The following CD300LG variants were observed in gnomAD, a reference collection of about 807,000 sequenced individuals.
CD300LG encodes CMRF35-like molecule 9.
CD300LG carries 29 observed loss-of-function variants against 31.5 expected under a neutral mutation model. That is an observed-to-expected ratio of 0.92 (90% confidence interval 0.68 to 1.25). The LOEUF (loss-of-function observed/expected upper bound fraction) is 1.25, where lower values mean the gene tolerates loss of function less well. Among genes scored for constraint, CD300LG ranks in the 50% most tolerant of loss-of-function variants. The pLI, the probability that CD300LG is intolerant of heterozygous loss-of-function variation, is 0.00. For missense variants in CD300LG, 396 were observed against 417.6 expected (o/e 0.95, Z 0.45); for synonymous variants, 175 against 177.2 (o/e 0.99, Z 0.10).
chr17:43,852,787 C>A (rs375712176), intron 2 of CD300LG, 125 bp from the exon 3 acceptor site: 2 of 656,234 alleles, frequency 3.0e-6, no homozygotes, highest in African/African-American at 1.9e-5. Flanking sequence ...CCTGGTTGGC[C>A]GAGGCGAAAG....
intron 6 of CD300LG, among the ~76,000 whole-genome samples, chr17:43,859,637 T>C (rs2046613138): frequency 6.6e-6 from 1 of 152,202 alleles, no homozygotes; most frequent in Non-Finnish European, 1.5e-5. Context: ...GCTGTAAATA[T>C]GGACTCATGG....
chr17:43,853,776 G>A (rs953353692), intron 3 of CD300LG, 31 bp from the exon 4 acceptor site: 4 of 1,563,478 alleles, frequency 2.6e-6, no homozygotes, highest in Non-Finnish European at 2.6e-6. Flanking sequence ...GGGTCAGGAA[G>A]GATGCTGAGG....
chr17:43,859,417 G>A (rs1040516687), intron 6 of CD300LG, among the ~76,000 whole-genome samples: 1 of 152,174 alleles, frequency 6.6e-6, no homozygotes, highest in African/African-American at 2.4e-5. Context: ...GAACAGGGCC[G>A]ATCGTCCACA....
chr17:43,853,667 A>C, intron 3 of CD300LG, 140 bp from the exon 4 acceptor site: 1 of 664,420 alleles, frequency 1.5e-6, no homozygotes, highest in Non-Finnish European at 2.6e-6. Context: ...CTGTTTGCTT[A>C]CTGGGGTATC....
At chr17:43,847,400 T>TG (rs2046214840) in intron 1 of CD300LG, 141 bp downstream of exon 1, 1 of 325,848 alleles carries the variant, frequency 3.1e-6, no homozygotes, top group Non-Finnish European at 5.7e-6. Flanking sequence ...GGGCTGGGGG[T>TG]GGGGGGAGGT....
At position 43,858,124 on chromosome 17, in the gene CD300LG, C is replaced by G. The variant is rs1597714589; in HGVS notation, c.885+968C>G. On this transcript the variant is annotated intron_variant, in intron 6 of 6. Transcript: ENST00000317310. The stretch of plus-strand genomic sequence containing the variant: ...AGGAAAGCGGAGCTACCATTGCCTT[C>G]TTTCCTGGCGCCAGTGAGGACAAAA... 2.3e-6 allele frequency: 3 copies of G among 1,327,650 alleles called. No homozygotes were observed. The East Asian group carries it at 9.7e-5, about 43-fold the overall frequency. The allele number at this position is 1,327,650 out of a possible 1,614,324, so 82.2% of individuals were successfully genotyped here.
chr17:43,850,133 A>ATGT (rs1376791183), intron 2 of CD300LG, among the ~76,000 whole-genome samples: 1 of 152,152 alleles, frequency 6.6e-6, no homozygotes, highest in Non-Finnish European at 1.5e-5. Flanking sequence ...GGCAGTTGGG[A>ATGT]TGTTGAAAAT....
intron 4 of CD300LG, 150 bp downstream of exon 4, chr17:43,854,194 G>T (rs941782346): frequency 3.1e-6 from 2 of 652,518 alleles, no homozygotes; most frequent in East Asian, 2.7e-5. Context: ...CCTCACAGGG[G>T]CCCTTGAGCA....
chr17:43,858,364 G>A (rs1257593009), intron 6 of CD300LG: 1 of 994,046 alleles, frequency 1.0e-6, no homozygotes, highest in Non-Finnish European at 1.2e-6. Context: ...GCTAGGGCCT[G>A]GGTCTCACCC....
At chr17:43,847,426 G>A (rs772509607) in intron 1 of CD300LG, among the ~76,000 whole-genome samples, 167 bp downstream of exon 1, 1 of 152,196 alleles carries the variant, frequency 6.6e-6, no homozygotes, top group East Asian at 1.9e-4. Flanking sequence ...TGGCGCCGGG[G>A]CCGCACTTGC....
At position 43,848,832 on chromosome 17, in the gene CD300LG, G is replaced by T; in HGVS notation, c.318G>T (p.Trp106Cys). The change falls in exon 2 of 7, where the codon TGG (tryptophan) becomes TGT (cysteine). Residue 106 changes from tryptophan (W) to cysteine (C), a missense_variant. Trp to Cys is a radical substitution (Grantham distance 215). Transcript: ENST00000317310. ...NLTLQDAGEY[W>C]CGVEKRGPDE... ...CCCTGCAAGACGCTGGGGAGTACTG[G>T]TGTGGGGTCGAAAAACGGGGCCCCG... 1 of 1,614,118 alleles carries T rather than the reference G, an allele frequency of 6.2e-7. No individual in the cohort carries two copies.
Position 43,858,762 on chromosome 17 carries a change from C to T in CD300LG, c.885+1606C>T, listed in dbSNP as rs147136252. 35 of 948,820 alleles carry T rather than the reference C, an allele frequency of 3.7e-5. 1 individual carries two copies. Among genetic ancestry groups the T allele is most frequent in the East Asian group, 3.5e-4 (3 of 8,644 alleles). 58.8% of individuals were successfully genotyped at this position (948,820 alleles called of 1,614,324 possible). ...GTTTGGGGCTTTCTTTGTCCACATT[C>T]GGGTCAAAGAGGGAGGGGGATGCAT... is the stretch of plus-strand genomic sequence containing the variant. On this transcript the variant is annotated intron_variant, in intron 6 of 6. Transcript: ENST00000317310.
intron 2 of CD300LG, among the ~76,000 whole-genome samples, chr17:43,851,865 C>A (rs959132803): frequency 1.3e-5 from 2 of 151,836 alleles, no homozygotes; most frequent in Admixed American, 6.6e-5. Context: ...CAGGGAGACC[C>A]AGTACACAAG....
In CD300LG at chr17:43,848,856, C is replaced by T. The variant is rs754785243; in HGVS notation, c.342C>T (p.Pro114=). The T allele has an allele frequency of 1.5e-5, 25 of 1,613,728 alleles. No individual in the cohort carries two copies. The South Asian group carries it at 1.6e-4, about 11-fold the overall frequency. The stretch of plus-strand genomic sequence containing the variant: ...GGTGTGGGGTCGAAAAACGGGGCCC[C>T]GATGAGTCTTTACTGATCTCTCTGT... The part of the protein sequence containing the change: ...EYWCGVEKRG[P]DESLLISLFV... Residue 114 remains proline, a synonymous_variant, in exon 2 of 7, where the codon CCC becomes CCT. Transcript: ENST00000317310.
chr17:43,853,834 C>T lies in CD300LG; in HGVS notation c.509C>T (p.Thr170Ile), dbSNP rs2046430460. The change falls in exon 4 of 7, where the codon ACC becomes ATC. Residue 170 changes from threonine (T) to isoleucine (I), a missense_variant. Transcript: ENST00000317310. ...TCTCCTGGGCTCTACCCGGCAGCCACCACAGCCAAGCAGGGGAAGACAGGG... is the reference window on the plus strand; with the variant it reads ...TCTCCTGGGCTCTACCCGGCAGCCATCACAGCCAAGCAGGGGAAGACAGGG... ...LTSPGLYPAA[T>I]TAKQGKTGAE... 1 of 1,613,926 alleles carries T rather than the reference C, an allele frequency of 6.2e-7. No homozygotes were observed. The highest frequency in any genetic ancestry group is 1.3e-5 in the African/African-American group (1 of 74,888).
intron 3 of CD300LG, 65 bp downstream of exon 3, chr17:43,853,078 C>T (rs2046407914): frequency 7.3e-7 from 1 of 1,362,332 alleles, no homozygotes. Flanking sequence ...CAGTGAGTGC[C>T]TGCCTGGTAC....
chr17:43,852,344 A>G (rs1309865085), intron 2 of CD300LG, among the ~76,000 whole-genome samples: 1 of 151,956 alleles, frequency 6.6e-6, no homozygotes, highest in African/African-American at 2.4e-5. Context: ...CCTCCCAAGT[A>G]GCTGGGATTA....
At position 43,857,017 on chromosome 17, in the gene CD300LG, G is replaced by A. The variant is rs546310088; in HGVS notation, c.833-87G>A. On this transcript the variant is annotated intron_variant, in intron 5 of 6. Transcript: ENST00000317310. ...GAAGCCCCTGCTCCCGTGTGCAAGG[G>A]GGCCAGTCCACCTTTCTGGGAGCAG... The A allele has an allele frequency of 7.4e-6, 10 of 1,353,188 alleles. No homozygotes were observed. The East Asian group carries it at 2.3e-4, about 31-fold the overall frequency. The allele number at this position is 1,353,188 out of a possible 1,614,324, so 83.8% of individuals were successfully genotyped here. A position where few individuals can be genotyped will look rare whatever the true frequency, so the allele number is the denominator to read the frequency against.
intron 6 of CD300LG, among the ~76,000 whole-genome samples, chr17:43,860,169 C>T (rs1198087167): frequency 6.6e-6 from 1 of 152,206 alleles, no homozygotes; most frequent in Admixed American, 6.5e-5. Context: ...ATGTGTCACA[C>T]ACCCTGCCCG....
Sources: allele counts gnomAD v4.1 joint callset (sites outside exome capture counted in the v4.1 genomes callset), GRCh38; gene constraint gnomAD v4.1.1; transcripts MANE v1.5; gene names NCBI Gene and HGNC (gene_info 2026-07-23, HGNC 2026-07-21).